Variants in ZNF821 observed in about 807,000 individuals in gnomAD.
ZNF821 encodes zinc finger protein 821.
Under a neutral mutation model 44.3 loss-of-function variants are expected in ZNF821, and 16 were observed. The ratio of observed to expected loss-of-function variants is 0.36; its 90% CI spans 0.24 to 0.55. ZNF821 has a LOEUF of 0.55. Among genes scored for constraint, ZNF821 ranks in the 20% least tolerant of loss-of-function variants. The pLI is 0.86. For synonymous variants in ZNF821, 204 were observed against 197.6 expected, an observed-to-expected ratio of 1.03 and a Z score of -0.27; for missense variants, 436 against 547.6, an observed-to-expected ratio of 0.80 and a Z score of 2.03.
At chr16:71,862,845 G>C (rs1362557746) in intron 6 of ZNF821, among the ~76,000 whole-genome samples, 1 of 152,010 alleles carries the variant, frequency 6.6e-6, no homozygotes, top group Non-Finnish European at 1.5e-5. Flanking sequence ...ACAAAAGTCT[G>C]GTATTCGGAT....
chr16:71,894,182 T>C (rs2142506263), intron 1 of ZNF821: 1 of 152,366 alleles, frequency 6.6e-6, no homozygotes, highest in South Asian at 2.1e-4. Flanking sequence ...CTACTTGTCA[T>C]ATGACTGCCC....
At chr16:71,887,655 T>G (rs2036866511), upstream of ZNF821, among the ~76,000 whole-genome samples, 1 of 152,222 alleles carries the variant, frequency 6.6e-6, no homozygotes, top group African/African-American at 2.4e-5. Flanking sequence ...GTTTCCAATT[T>G]CTGCACAACC....
chr16:71,883,447 G>A (rs920350080), intron 1 of ZNF821, 174 bp from the exon 2 acceptor site: 4 of 337,448 alleles, frequency 1.2e-5, no homozygotes, highest in African/African-American at 6.5e-5. Flanking sequence ...ACAAGAGCCG[G>A]AGGTCTTCCG....
At chr16:71,862,074 G>A in intron 6 of ZNF821, 132 bp from the exon 7 acceptor site, 1 of 1,083,144 alleles carries the variant, frequency 9.2e-7, no homozygotes, top group Non-Finnish European at 1.3e-6. Context: ...ATTCTGTTTA[G>A]CCCCTAGAAA....
intron 3 of ZNF821, among the ~76,000 whole-genome samples, chr16:71,873,758 A>G (rs959315161): frequency 6.6e-6 from 1 of 151,860 alleles, no homozygotes; most frequent in African/African-American, 2.4e-5. Flanking sequence ...GGCTCAAACA[A>G]TCCTCTCACC....
intron 5 of ZNF821, among the ~76,000 whole-genome samples, chr16:71,864,501 T>A (rs921587953): frequency 7.9e-5 from 12 of 152,218 alleles, no homozygotes; most frequent in African/African-American, 2.9e-4. Context: ...GGGTAGCGTT[T>A]TTCCTGTCAT....
At chr16:71,887,736 T>G (rs2036866880), upstream of ZNF821, among the ~76,000 whole-genome samples, 1 of 152,218 alleles carries the variant, frequency 6.6e-6, no homozygotes, top group South Asian at 2.1e-4. Flanking sequence ...CATATCTCAT[T>G]GTGATTTTAA....
chr16:71,861,787 G>A lies in ZNF821; in HGVS notation c.573C>T (p.Ala191=). 3 of 1,614,038 alleles carry A rather than the reference G, an allele frequency of 1.9e-6. No homozygotes were observed. The highest frequency in any genetic ancestry group is 1.1e-5 in the South Asian group (1 of 91,074). ...AGTGCCCAGCTGACCTGTTAAAAGT[G>A]GCATGGCTGGTGAACCGGGCTCCAC... ...AVCGARFTSH[A]TFNSEKLPEV... is the part of the protein sequence containing the mutation. Residue 191 remains alanine (A), a synonymous_variant, in exon 7 of 8, where the codon GCC becomes GCT. Transcript: ENST00000425432.
Position 71,859,739 on chromosome 16 carries a change from CCACAGTCCTAGAAG to C in ZNF821, c.*265_*278del. The C allele has an allele frequency of 2.3e-6, 1 of 428,206 alleles. No homozygotes were observed. The highest frequency in any genetic ancestry group is 3.5e-5 in the East Asian group (1 of 28,524). The allele number at this position is 428,206 out of a possible 1,614,324, so 26.5% of individuals were successfully genotyped here. A position where few individuals can be genotyped will look rare whatever the true frequency, so the allele number is the denominator to read the frequency against. On this transcript the variant is annotated 3_prime_UTR_variant, in exon 8 of 8. Transcript: ENST00000425432. ...CAACTTCATGGGCCACACAGGGGCC[CCACAGTCCTAGAAG>C]CACAGCCTGTGGCAGTGGGCTGGGG...
In ZNF821 at chr16:71,865,284, T is replaced by C. The variant is rs1226603862; in HGVS notation, c.167-236A>G. On this transcript the variant is annotated intron_variant, in intron 4 of 7. Transcript: ENST00000425432. The stretch of plus-strand genomic sequence containing the variant: ...AGCAAAACTGCATTGGAAATGGTTA[T>C]CGTGCCCTCTACATGATTATAAAAA... 2.6e-5 allele frequency among the ~76,000 whole-genome samples: 4 copies of C among 152,196 alleles called. No individual in the cohort carries two copies. The East Asian group carries it at 7.7e-4, about 29-fold the overall frequency.
In ZNF821 at chr16:71,860,793, G is replaced by T; in HGVS notation, c.585-121C>A. 1 of 961,966 alleles carries T rather than the reference G, an allele frequency of 1.0e-6. No homozygotes were observed. Among genetic ancestry groups the T allele is most frequent in the Non-Finnish European group, 1.5e-6 (1 of 664,628 alleles). 59.6% of individuals were successfully genotyped at this position (961,966 alleles called of 1,614,324 possible). On this transcript the variant is annotated intron_variant, in intron 7 of 7. Transcript: ENST00000425432. This position sits in a 1 kb window ranked among gnomAD's most constrained non-coding sequence, Gnocchi z 7.3. ...CACGCTCACCACAAGGGGTCAGTTT[G>T]AATGCTTGGTGGACCTCTTCTGCTG...
At chr16:71,864,052 A>T in intron 6 of ZNF821, 86 bp downstream of exon 6, 1 of 1,189,212 alleles carries the variant, frequency 8.4e-7, no homozygotes, top group Non-Finnish European at 1.3e-6. Context: ...CAGGAGCCAG[A>T]GAGAGACAAA....
chr16:71,890,172 A>AT (rs979914422), intron 1 of ZNF821, among the ~76,000 whole-genome samples: 16 of 151,022 alleles, frequency 1.1e-4, no homozygotes, highest in Admixed American at 2.6e-4. Context: ...AGTGATCTTG[A>AT]TTTTTTTTTC....
chr16:71,873,182 C>A (rs2035407767), intron 3 of ZNF821, among the ~76,000 whole-genome samples: 1 of 152,046 alleles, frequency 6.6e-6, no homozygotes, highest in African/African-American at 2.4e-5. Flanking sequence ...ATTAGCTGGG[C>A]ATGGTGATGA....
chr16:71,877,121 G>A (rs1482017309), intron 3 of ZNF821, among the ~76,000 whole-genome samples: 1 of 152,110 alleles, frequency 6.6e-6, no homozygotes, highest in Non-Finnish European at 1.5e-5. Flanking sequence ...TTTATATGGA[G>A]GTTTGCTATT....
chr16:71,891,706 A>G (rs2036886541), intron 1 of ZNF821, among the ~76,000 whole-genome samples: 1 of 152,064 alleles, frequency 6.6e-6, no homozygotes, highest in South Asian at 2.1e-4. Flanking sequence ...AAACCTCATC[A>G]CTACTAAAAA....
intron 6 of ZNF821, among the ~76,000 whole-genome samples, chr16:71,862,771 G>C (rs1254537081): frequency 6.6e-6 from 1 of 152,194 alleles, no homozygotes; most frequent in Non-Finnish European, 1.5e-5. Context: ...CATGTGTGCT[G>C]ATACCTTGTC....
chr16:71,861,809 C>T lies in ZNF821; in HGVS notation c.551G>A (p.Gly184Glu). 1 of 1,614,186 alleles carries T rather than the reference C, an allele frequency of 6.2e-7. No homozygotes were observed. The highest frequency in any genetic ancestry group is 1.1e-5 in the South Asian group (1 of 91,088). The change falls in exon 7 of 8, where the codon GGA (glycine) becomes GAA (glutamate). Residue 184 changes from glycine (G) to glutamate (E), a missense_variant. Gly to Glu is a moderately conservative substitution (Grantham distance 98). Coordinates refer to ENST00000425432, the MANE Select transcript of ZNF821 (RefSeq NM_001201552.2). ...AGTGGCATGGCTGGTGAACCGGGCTCCACACACAGCACAGTTAGATCGCTG... is the reference window on the plus strand; with the variant it reads ...AGTGGCATGGCTGGTGAACCGGGCTTCACACACAGCACAGTTAGATCGCTG... The part of the protein sequence containing the change: ...EDQRSNCAVC[G>E]ARFTSHATFN...
At chr16:71,886,584 C>A (rs1408441219), upstream of ZNF821, among the ~76,000 whole-genome samples, 2 of 152,154 alleles carry the variant, frequency 1.3e-5, no homozygotes. Flanking sequence ...TTGGCTTCTA[C>A]AATGACCTTG....
Sources: allele counts gnomAD v4.1 joint callset (sites outside exome capture counted in the v4.1 genomes callset), GRCh38; gene constraint gnomAD v4.1.1; non-coding constraint Gnocchi (gnomAD v3.1); transcripts MANE v1.5; gene names NCBI Gene and HGNC (gene_info 2026-07-23, HGNC 2026-07-21).